TAS2R1: variants seen among roughly 807,000 people sequenced by gnomAD.
TAS2R1 encodes taste 2 receptor member 1.
For synonymous variants in TAS2R1, 141 were observed against 134.2 expected (o/e 1.05, Z -0.35); for missense variants, 370 against 353.4 (o/e 1.05, Z -0.38).
chr5:9,855,370 T>C, the TAS2R1 span, among the ~76,000 whole-genome samples: 57 of 152,212 alleles, frequency 3.7e-4, no homozygotes, highest in Non-Finnish European at 6.2e-4. Context: ...ACCATCACAA[T>C]AGGAAATAAG....
the TAS2R1 span, among the ~76,000 whole-genome samples, chr5:9,896,696 C>T: frequency 1.3e-5 from 2 of 152,190 alleles, no homozygotes; most frequent in Non-Finnish European, 2.9e-5. Context: ...CTTTGCCATG[C>T]CTGTTTGGCA....
the TAS2R1 span, among the ~76,000 whole-genome samples, chr5:9,744,648 G>GT: frequency 6.6e-6 from 1 of 152,138 alleles, no homozygotes; most frequent in East Asian, 1.9e-4. Context: ...TGTCTGGTTT[G>GT]TTTATAGCTG....
the TAS2R1 span, among the ~76,000 whole-genome samples, chr5:9,725,718 A>G: frequency 4.2e-5 from 6 of 141,458 alleles, no homozygotes; most frequent in Non-Finnish European, 7.4e-5. Context: ...GTGCAGGCAC[A>G]CGGCACGGGA....
chr5:9,777,300 T>C, the TAS2R1 span, among the ~76,000 whole-genome samples: 1 of 152,264 alleles, frequency 6.6e-6, no homozygotes, highest in African/African-American at 2.4e-5. Flanking sequence ...CAAATAAGTT[T>C]ATGCAATATT....
At chr5:9,715,817 A>C (rs992950556), upstream of TAS2R1, among the ~76,000 whole-genome samples, 3 of 152,238 alleles carry the variant, frequency 2.0e-5, no homozygotes, top group African/African-American at 4.8e-5. Context: ...CTATGAACGA[A>C]TCTCCCTGAG....
chr5:9,873,408 C>CTT, the TAS2R1 span, among the ~76,000 whole-genome samples: 34,957 of 143,594 alleles, frequency 0.24, 4,454 homozygotes, highest in Middle Eastern at 0.31. Flanking sequence ...AAGACCAGGC[C>CTT]TTTTTTTTTT....
At chr5:9,898,308 C>T in the TAS2R1 span, among the ~76,000 whole-genome samples, 1 of 152,132 alleles carries the variant, frequency 6.6e-6, no homozygotes, top group East Asian at 1.9e-4. Context: ...TTTTAAAGTA[C>T]TTCCAATTTT....
the TAS2R1 span, among the ~76,000 whole-genome samples, chr5:9,743,673 G>T: frequency 2.6e-5 from 4 of 152,130 alleles, no homozygotes; most frequent in African/African-American, 4.8e-5. Context: ...ATATTTTATG[G>T]TACCTAAGCA....
chr5:9,631,122 T>C (rs907430318), upstream of TAS2R1, among the ~76,000 whole-genome samples: 1 of 152,134 alleles, frequency 6.6e-6, no homozygotes, highest in African/African-American at 2.4e-5. Flanking sequence ...TGCCAAATGT[T>C]CAAGAGTGGC....
chr5:9,858,714 G>A, the TAS2R1 span, among the ~76,000 whole-genome samples: 2 of 152,214 alleles, frequency 1.3e-5, no homozygotes, highest in African/African-American at 2.4e-5. Flanking sequence ...GAAATTGGGA[G>A]TCTGACGAGG....
upstream of TAS2R1, among the ~76,000 whole-genome samples, chr5:9,633,319 T>TATATATATATATATATATATATATAC (rs1475834697): frequency 1.5e-5 from 2 of 137,514 alleles, no homozygotes; most frequent in African/African-American, 3.0e-5. Flanking sequence ...TATATATATA[T>TATATATATATATATATATATATATAC]ACACAAATGT....
the TAS2R1 span, among the ~76,000 whole-genome samples, chr5:9,870,442 T>C: frequency 6.6e-6 from 1 of 152,232 alleles, no homozygotes; most frequent in Non-Finnish European, 1.5e-5. Flanking sequence ...TGAAAAGGTA[T>C]ACATCCTTTG....
the TAS2R1 span, among the ~76,000 whole-genome samples, chr5:9,749,638 T>C: frequency 6.6e-6 from 1 of 152,326 alleles, no homozygotes; most frequent in African/African-American, 2.4e-5. Context: ...CTCTTCCATG[T>C]AGCTGTTGAA....
chr5:9,804,237 A>G, the TAS2R1 span, among the ~76,000 whole-genome samples: 1 of 152,214 alleles, frequency 6.6e-6, no homozygotes, highest in Non-Finnish European at 1.5e-5. Flanking sequence ...TCCCAAATTT[A>G]TAAAACAATT....
At chr5:9,653,403 T>A (rs2126490012) in intron 2 of TAS2R1, among the ~76,000 whole-genome samples, 1 of 152,334 alleles carries the variant, frequency 6.6e-6, no homozygotes, top group East Asian at 1.9e-4. Context: ...ATTTTGCTTA[T>A]CCATTCATTT....
chr5:9,629,295 A>G lies in TAS2R1; in HGVS notation c.738T>C (p.Phe246=), dbSNP rs770402249. Residue 246 remains phenylalanine (F), a synonymous_variant, in exon 1 of 1, where the codon TTT becomes TTC. Transcript: ENST00000382492. ...TGATGTGAAACTTTAGAGAAGAGAG[A>G]AAAACTTTTATCATGCAGTGGGAGA... ...LYFSHCMIKV[F]LSSLKFHIRR... 5.6e-6 allele frequency: 9 copies of G among 1,613,600 alleles called. No homozygotes were observed. The highest frequency in any genetic ancestry group is 7.6e-6 in the Non-Finnish European group (9 of 1,179,896).
intron 1 of TAS2R1, among the ~76,000 whole-genome samples, chr5:9,684,098 C>T (rs1741080238): frequency 6.6e-6 from 1 of 152,162 alleles, no homozygotes; most frequent in Admixed American, 6.5e-5. Flanking sequence ...TATCTGCACT[C>T]TCATGTTTAT....
chr5:9,807,334 A>G, the TAS2R1 span, among the ~76,000 whole-genome samples: 26 of 152,106 alleles, frequency 1.7e-4, no homozygotes, highest in African/African-American at 5.8e-4. Context: ...CACTATGGAA[A>G]AGTGTGGACA....
chr5:9,853,463 A>T, the TAS2R1 span, among the ~76,000 whole-genome samples: 56 of 152,216 alleles, frequency 3.7e-4, no homozygotes, highest in Non-Finnish European at 7.3e-4. Context: ...AAGGGGCAGT[A>T]ACTTCCAGGT....
Sources: allele counts gnomAD v4.1 joint callset (sites outside exome capture counted in the v4.1 genomes callset), GRCh38; gene constraint gnomAD v4.1.1; transcripts MANE v1.5; gene names NCBI Gene and HGNC (gene_info 2026-07-23, HGNC 2026-07-21).